Variants in KITLG observed in about 807,000 individuals in gnomAD.
The protein encoded by KITLG is KIT ligand.
In KITLG, 13 loss-of-function variants were observed where a neutral mutation model predicts 34.1. The observed-to-expected ratio is 0.38, with a 90% CI of 0.25 to 0.61. KITLG has a LOEUF of 0.61. KITLG is among the 20% of genes least tolerant of loss of function. The pLI is 0.60. For missense variants in KITLG, 292 were observed against 318.9 expected, an observed-to-expected ratio of 0.92 and a Z score of 0.64; for synonymous variants, 110 against 104.0, an observed-to-expected ratio of 1.06 and a Z score of -0.35.
At chr12:88,534,378 T>A (rs1315406517) in intron 2 of KITLG, among the ~76,000 whole-genome samples, 1 of 152,130 alleles carries the variant, frequency 6.6e-6, no homozygotes, top group African/African-American at 2.4e-5. Context: ...TTGCTGCTTT[T>A]TTTTTCTTTT....
chr12:88,511,918 C>T (rs774142295), intron 6 of KITLG, among the ~76,000 whole-genome samples: 6 of 152,078 alleles, frequency 3.9e-5, no homozygotes, highest in Non-Finnish European at 8.8e-5. Flanking sequence ...AACCTCCTAC[C>T]AAAACACAAT....
At chr12:88,568,240 G>C (rs1871512639) in intron 1 of KITLG, among the ~76,000 whole-genome samples, 1 of 151,852 alleles carries the variant, frequency 6.6e-6, no homozygotes, top group Admixed American at 6.6e-5. Context: ...ACAATTTATT[G>C]AGCATCACTT....
At position 88,518,041 on chromosome 12, in the gene KITLG, G is replaced by A. The variant is rs911886961; in HGVS notation, c.363+656C>T. On this transcript the variant is annotated intron_variant, in intron 4 of 9. Transcript: ENST00000644744. Reference sequence around the variant, plus strand: ...TAATATTTATTTTGCTAGGTAGGGTGTTAAAGTACTCATGGCAAATAACCT... The same window carrying A: ...TAATATTTATTTTGCTAGGTAGGGTATTAAAGTACTCATGGCAAATAACCT... 7.2e-5 allele frequency among the ~76,000 whole-genome samples: 11 copies of A among 152,128 alleles called. 1 individual carries two copies.
intron 3 of KITLG, among the ~76,000 whole-genome samples, chr12:88,521,539 A>C (rs1869660928): frequency 6.6e-6 from 1 of 152,178 alleles, no homozygotes; most frequent in Admixed American, 6.5e-5. Flanking sequence ...AAACTTAAAT[A>C]GTTTTATATA....
intron 1 of KITLG, among the ~76,000 whole-genome samples, chr12:88,561,886 G>T (rs1871308931): frequency 6.6e-6 from 1 of 152,120 alleles, no homozygotes; most frequent in African/African-American, 2.4e-5. Flanking sequence ...CATCATTCAG[G>T]ACTCAGTTCA....
At chr12:88,548,237 C>G (rs563482163) in intron 1 of KITLG, among the ~76,000 whole-genome samples, 2 of 151,952 alleles carry the variant, frequency 1.3e-5, no homozygotes, top group South Asian at 4.2e-4. Context: ...GGGCGGATCA[C>G]GAGGTCAGGA....
intron 6 of KITLG, among the ~76,000 whole-genome samples, chr12:88,512,964 C>T (rs1001061235): frequency 1.3e-5 from 2 of 151,656 alleles, no homozygotes; most frequent in African/African-American, 4.8e-5. Context: ...ATGAAGGGTA[C>T]AGGAAATAAT....
chr12:88,552,770 A>AT (rs1870962341), intron 1 of KITLG, among the ~76,000 whole-genome samples: 1 of 152,184 alleles, frequency 6.6e-6, no homozygotes, highest in African/African-American at 2.4e-5. Flanking sequence ...ATTAAAAAAA[A>AT]AAAACGCTTT....
At chr12:88,572,078 A>AT (rs1871670601) in intron 1 of KITLG, among the ~76,000 whole-genome samples, 1 of 152,202 alleles carries the variant, frequency 6.6e-6, no homozygotes, top group Admixed American at 6.5e-5. Context: ...GATAGAAGCT[A>AT]TTTAAAATGG....
intron 1 of KITLG, among the ~76,000 whole-genome samples, chr12:88,547,096 T>G (rs1592578266): frequency 6.6e-6 from 1 of 152,182 alleles, no homozygotes; most frequent in African/African-American, 2.4e-5. Flanking sequence ...TTAAAATATG[T>G]GCACATTCTT....
rs1422390655 is a variant in KITLG at position 88,495,564 on chromosome 12, C to A, written c.*1655G>T. On this transcript the variant is annotated 3_prime_UTR_variant, in exon 10 of 10. Transcript: ENST00000644744. ...AAAGGGACTGTAGGAATCATCTGGG[C>A]TCTTTGGTACAAAAAAGAGCAAAGG... 1 of 152,462 alleles carries A rather than the reference C, an allele frequency of 6.6e-6. No individual in the cohort carries two copies. The highest frequency in any genetic ancestry group is 2.4e-5 in the African/African-American group (1 of 41,420). The allele number at this position is 152,462 out of a possible 1,614,324, so 9.4% of individuals were successfully genotyped here. A position where few individuals can be genotyped will look rare whatever the true frequency, so the allele number is the denominator to read the frequency against.
At chr12:88,503,363 G>A (rs1868938262) in intron 9 of KITLG, among the ~76,000 whole-genome samples, 1 of 152,202 alleles carries the variant, frequency 6.6e-6, no homozygotes. Context: ...GTTAAAGCTG[G>A]AAGGGCAGTG....
chr12:88,570,866 A>G (rs1462873354), intron 1 of KITLG, among the ~76,000 whole-genome samples: 1 of 152,220 alleles, frequency 6.6e-6, no homozygotes, highest in African/African-American at 2.4e-5. Context: ...GGAGTAATTC[A>G]CAGTTATTAA....
intron 1 of KITLG, among the ~76,000 whole-genome samples, chr12:88,556,974 A>G (rs550486740): frequency 8.5e-5 from 13 of 152,338 alleles, no homozygotes; most frequent in Non-Finnish European, 1.8e-4. Context: ...CTAAAAGTCA[A>G]TCACAGTGGA....
intron 2 of KITLG, among the ~76,000 whole-genome samples, chr12:88,540,401 C>T (rs1021159283): frequency 1.3e-5 from 2 of 152,066 alleles, no homozygotes; most frequent in Non-Finnish European, 2.9e-5. Context: ...AACCAATATA[C>T]TGGGCTAAAA....
intron 9 of KITLG, among the ~76,000 whole-genome samples, chr12:88,498,294 A>G (rs1868717717): frequency 6.6e-6 from 1 of 152,296 alleles, no homozygotes; most frequent in African/African-American, 2.4e-5. Flanking sequence ...CCATAGTGTA[A>G]TAAGAATTGC....
chr12:88,580,172 A>G (rs1871967549), intron 1 of KITLG, 92 bp downstream of exon 1: 1 of 1,347,934 alleles, frequency 7.4e-7, no homozygotes, highest in South Asian at 1.2e-5. Context: ...TGCACGCCCC[A>G]GCTGCAAGTC....
chr12:88,569,367 T>C (rs1421097211), intron 1 of KITLG, among the ~76,000 whole-genome samples: 1 of 152,192 alleles, frequency 6.6e-6, no homozygotes, highest in African/African-American at 2.4e-5. Flanking sequence ...AAAAGTGAAT[T>C]TGAGGCTGGA....
At chr12:88,559,854 T>C (rs1279697267) in intron 1 of KITLG, among the ~76,000 whole-genome samples, 1 of 152,214 alleles carries the variant, frequency 6.6e-6, no homozygotes, top group African/African-American at 2.4e-5. Flanking sequence ...AAACTTCAAT[T>C]GCAGATTCAT....
Sources: gnomAD v4.1 joint callset for allele counts (sites outside exome capture counted in the v4.1 genomes callset) on GRCh38, gnomAD v4.1.1 for gene constraint, MANE v1.5 for transcripts, NCBI Gene and HGNC (gene_info 2026-07-23, HGNC 2026-07-21) for gene names.